Variants in OXCT1 observed in about 807,000 individuals in gnomAD.
OXCT1 encodes the protein succinyl-CoA:3-ketoacid coenzyme A transferase 1, mitochondrial.
Under a neutral mutation model 69.6 loss-of-function variants are expected in OXCT1, and 27 were observed. The observed-to-expected ratio is 0.39, with a 90% confidence interval of 0.29 to 0.54. The LOEUF is 0.54. Among genes scored for constraint, OXCT1 ranks in the 20% least tolerant of loss-of-function variants. The pLI, the probability that OXCT1 is intolerant of heterozygous loss-of-function variation, is 0.72. For synonymous variants in OXCT1, 202 were observed against 217.8 expected (o/e 0.93, Z 0.64); for missense variants, 437 against 650.2 (o/e 0.67, Z 3.57).
chr5:41,759,607 G>A (rs1412478405), intron 14 of OXCT1, among the ~76,000 whole-genome samples: 1 of 152,090 alleles, frequency 6.6e-6, no homozygotes, highest in East Asian at 1.9e-4. Context: ...CCAGGTCTCA[G>A]GTTTTAGAAG....
At chr5:41,796,434 T>C (rs1018907408) in intron 11 of OXCT1, among the ~76,000 whole-genome samples, 8 of 152,158 alleles carry the variant, frequency 5.3e-5, no homozygotes, top group Admixed American at 2.6e-4. Context: ...AAAATTGGAA[T>C]AGGAAATAGC....
intron 13 of OXCT1, among the ~76,000 whole-genome samples, chr5:41,784,521 G>A (rs562614119): frequency 6.6e-6 from 1 of 152,280 alleles, no homozygotes; most frequent in South Asian, 2.1e-4. Flanking sequence ...GTATTTTGCA[G>A]GTTGTTTTGC....
At chr5:41,741,274 G>T (rs1743153884) in intron 15 of OXCT1, among the ~76,000 whole-genome samples, 1 of 152,078 alleles carries the variant, frequency 6.6e-6, no homozygotes, top group Non-Finnish European at 1.5e-5. Flanking sequence ...AATTGGCTTG[G>T]AAGTCAAACC....
At chr5:41,860,582 C>T (rs1426995651) in intron 3 of OXCT1, among the ~76,000 whole-genome samples, 1 of 152,154 alleles carries the variant, frequency 6.6e-6, no homozygotes, top group Non-Finnish European at 1.5e-5. Flanking sequence ...ATAACCTACA[C>T]TATTTATTCT....
chr5:41,754,515 T>G (rs541200212), intron 14 of OXCT1, among the ~76,000 whole-genome samples: 3 of 152,056 alleles, frequency 2.0e-5, no homozygotes, highest in Non-Finnish European at 2.9e-5. Flanking sequence ...AAACATCTCA[T>G]GTACCCCATA....
At position 41,794,768 on chromosome 5, in the gene OXCT1, AAAAG is replaced by A. The variant is rs1383912129; in HGVS notation, c.1100-23_1100-20del. On this transcript the variant is annotated intron_variant, in intron 11 of 16. Transcript: ENST00000196371. ...TCCTTGCCTAAACACACACACACAC[AAAAG>A]AAAGAAAAGGCTATTAGATTTCTAA... 1 of 1,608,516 alleles carries A rather than the reference AAAAG, an allele frequency of 6.2e-7. No homozygotes were observed. Among genetic ancestry groups the A allele is most frequent in the Non-Finnish European group, 8.5e-7 (1 of 1,176,686 alleles).
rs201531575 is a variant in OXCT1, at chr5:41,739,463, C to G, written c.1448G>C (p.Gly483Ala). The G allele has an allele frequency of 8.1e-6, 13 of 1,613,490 alleles. No homozygotes were observed. The highest frequency in any genetic ancestry group is 8.5e-7 in the Non-Finnish European group (1 of 1,179,540). Reference protein sequence around the residue: ...KAVFDVDKKKGLTLIELWEGL... With the variant: ...KAVFDVDKKKALTLIELWEGL... ...TTCCCAGAGCTCAATCAGAGTCAAC[C>G]CTTTCTTCTTGTCCACATCAAACAC... is the stretch of plus-strand genomic sequence containing the variant. The change falls in exon 16 of 17, where the codon GGG becomes GCG. Residue 483 changes from glycine to alanine, a missense_variant. Physicochemically the swap from Gly to Ala is moderately conservative, Grantham distance 60. Around this residue, in one of 4 missense-constraint regions of OXCT1, gnomAD observed 102 missense variants for 162.1 expected, o/e 0.63. Transcript: ENST00000196371.
chr5:41,837,583 A>G (rs899020066), intron 7 of OXCT1, among the ~76,000 whole-genome samples: 9 of 151,228 alleles, frequency 6.0e-5, no homozygotes, highest in Non-Finnish European at 1.3e-4. Flanking sequence ...AAAGACTACA[A>G]TTGAAATAAT....
intron 14 of OXCT1, among the ~76,000 whole-genome samples, chr5:41,759,057 A>G (rs1425097682): frequency 6.6e-6 from 1 of 150,458 alleles, no homozygotes; most frequent in African/African-American, 2.4e-5. Flanking sequence ...TGTAAGTCTC[A>G]CCTAAGCAAA....
intron 7 of OXCT1, among the ~76,000 whole-genome samples, chr5:41,821,503 AGTTT>A (rs1226394343): frequency 2.0e-5 from 3 of 152,214 alleles, no homozygotes; most frequent in Admixed American, 2.0e-4. Flanking sequence ...ATTTGGTAAG[AGTTT>A]GTTTATTTGT....
At chr5:41,736,908 A>G (rs1171000088) in intron 16 of OXCT1, among the ~76,000 whole-genome samples, 3 of 152,244 alleles carry the variant, frequency 2.0e-5, no homozygotes, top group Non-Finnish European at 2.9e-5. Context: ...TGATAACCAC[A>G]GGGAATATTT....
intron 7 of OXCT1, among the ~76,000 whole-genome samples, chr5:41,810,374 G>A (rs1008340115): frequency 2.1e-4 from 32 of 152,182 alleles, no homozygotes; most frequent in African/African-American, 7.7e-4. Flanking sequence ...AAAGGACAAA[G>A]GAAAAGCCTC....
chr5:41,773,039 AAC>A (rs375608918), intron 13 of OXCT1, among the ~76,000 whole-genome samples: 4 of 152,314 alleles, frequency 2.6e-5, no homozygotes, highest in African/African-American at 4.8e-5. Flanking sequence ...AGGCAGGAAA[AAC>A]ACAGTTTCTC....
chr5:41,862,437 C>G (rs1481180516), intron 2 of OXCT1, among the ~76,000 whole-genome samples: 1 of 151,858 alleles, frequency 6.6e-6, no homozygotes, highest in Non-Finnish European at 1.5e-5. Flanking sequence ...TGCACGCACA[C>G]AGAGAAAGTA....
chr5:41,792,522 C>G (rs1265957174), intron 13 of OXCT1, among the ~76,000 whole-genome samples: 1 of 152,170 alleles, frequency 6.6e-6, no homozygotes, highest in Admixed American at 6.5e-5. Context: ...CACTCTACTA[C>G]CCCGTATGGC....
Position 41,739,620 on chromosome 5 carries a change from T to C in OXCT1, c.1420-129A>G, listed in dbSNP as rs547088336. The C allele has an allele frequency of 2.8e-4, 198 of 695,936 alleles. 2 individuals are homozygous for C. Among genetic ancestry groups the C allele is most frequent in the Middle Eastern group, 2.6e-3 (10 of 3,784 alleles). 43.1% of individuals were successfully genotyped at this position (695,936 alleles called of 1,614,324 possible). On this transcript the variant is annotated intron_variant, in intron 15 of 16. Coordinates refer to ENST00000196371, the MANE Select transcript of OXCT1 (RefSeq NM_000436.4). Reference sequence around the variant, plus strand: ...GTGGCTCAGGCCTATAATCCCAGCATTTTGGTAGGCTTAGGTGGGTGGATC... The same window carrying C: ...GTGGCTCAGGCCTATAATCCCAGCACTTTGGTAGGCTTAGGTGGGTGGATC...
At chr5:41,805,449 T>C in intron 9 of OXCT1, 118 bp downstream of exon 9, 1 of 696,186 alleles carries the variant, frequency 1.4e-6, no homozygotes, top group Admixed American at 2.6e-5. Flanking sequence ...ATTGATTAAT[T>C]ACCTTAAAAG....
chr5:41,855,466 G>C lies in OXCT1; in HGVS notation c.279-1912C>G, dbSNP rs144573578. Among the ~76,000 whole-genome samples the C allele has an allele frequency of 1.9e-3, 285 of 152,250 alleles. 3 individuals carry two copies. The highest frequency in any genetic ancestry group is 6.4e-3 in the African/African-American group (266 of 41,542). On this transcript the variant is annotated intron_variant, in intron 3 of 16. Coordinates refer to ENST00000196371, the MANE Select transcript of OXCT1 (RefSeq NM_000436.4). ...TTAAGAGACAGAAATGTAGTGATAA[G>C]GACCAGAGTGCTTCCTAGAAACAGA...
At chr5:41,825,046 C>T (rs1747734932) in intron 7 of OXCT1, among the ~76,000 whole-genome samples, 1 of 152,178 alleles carries the variant, frequency 6.6e-6, no homozygotes, top group Non-Finnish European at 1.5e-5. Flanking sequence ...CACCCAGATC[C>T]TTTTCACAGA....
Sources: gnomAD v4.1 joint callset for allele counts (sites outside exome capture counted in the v4.1 genomes callset) on GRCh38, gnomAD v4.1.1 for gene constraint, gnomAD v4.1.1 regional missense constraint, MANE v1.5 for transcripts, NCBI Gene and HGNC (gene_info 2026-07-23, HGNC 2026-07-21) for gene names.